RAI1: variants seen among roughly 807,000 people sequenced by gnomAD.
RAI1 encodes retinoic acid induced 1.
In RAI1, 9 loss-of-function variants were observed where a neutral mutation model predicts 123.8. The observed-to-expected ratio is 0.07, with a 90% CI of 0.04 to 0.13. The LOEUF (loss-of-function observed/expected upper bound fraction) is 0.13, where lower values mean the gene tolerates loss of function less well. Ranked by LOEUF, RAI1 falls within the 10% of genes least tolerant of loss-of-function variation. The pLI is 1.00. For synonymous variants in RAI1, 1,231 were observed against 1,127.3 expected (o/e 1.09, Z -1.84); for missense variants, 2,256 against 2,545.8 (o/e 0.89, Z 2.45).
intron 2 of RAI1, among the ~76,000 whole-genome samples, chr17:17,725,610 GAGGAA>G: frequency 6.6e-6 from 1 of 152,198 alleles, no homozygotes; most frequent in Non-Finnish European, 1.5e-5. Context: ...GGGGGATGCA[GAGGAA>G]GGGGAGAGGT....
intron 2 of RAI1, among the ~76,000 whole-genome samples, chr17:17,789,778 C>CT (rs1189098998): frequency 6.6e-6 from 1 of 152,192 alleles, no homozygotes; most frequent in Admixed American, 6.5e-5. Flanking sequence ...GAGATAAGGC[C>CT]TGGACCAAGT....
chr17:17,716,962 G>GGT (rs1403435138), intron 1 of RAI1, among the ~76,000 whole-genome samples: 2 of 152,216 alleles, frequency 1.3e-5, no homozygotes, highest in Admixed American at 1.3e-4. Flanking sequence ...CCAGCGTTGG[G>GGT]GCTGAGGCTT....
chr17:17,758,904 C>G (rs1470109039), intron 2 of RAI1, among the ~76,000 whole-genome samples: 1 of 152,022 alleles, frequency 6.6e-6, no homozygotes, highest in African/African-American at 2.4e-5. Context: ...TACAGGCTGA[C>G]CTGTTTTGGT....
In RAI1 at chr17:17,685,962, TCTC is replaced by T. The variant is rs533429547; in HGVS notation, c.-149+4179_-149+4181del. Among the ~76,000 whole-genome samples, 6 of 152,254 alleles carry T rather than the reference TCTC, an allele frequency of 3.9e-5. No homozygotes were observed. Among genetic ancestry groups the T allele is most frequent in the African/African-American group, 9.6e-5 (4 of 41,526 alleles). ...GCCCCAGACCAAAACAGACGTCCTG[TCTC>T]CTCCTCCTCTGACCTCCGAGGCAGA... On this transcript the variant is annotated intron_variant, in intron 1 of 5. Coordinates refer to ENST00000353383, the MANE Select transcript of RAI1 (RefSeq NM_030665.4). This position sits in a 1 kb window ranked among gnomAD's most constrained non-coding sequence, Gnocchi z 4.0.
chr17:17,795,740 C>T lies in RAI1; in HGVS notation c.2792C>T (p.Thr931Ile), dbSNP rs1302360226. Residue 931 changes from threonine to isoleucine, a missense_variant, in exon 3 of 6, where the codon ACA becomes ATA. Thr to Ile is a moderately conservative substitution (Grantham distance 89, BLOSUM62 -1). This residue lies in a region of RAI1 where 566 missense variants were observed against 616.0 expected (regional missense o/e 0.92). Transcript: ENST00000353383. The surrounding 1 kb of genome is among the most constrained non-coding windows in gnomAD (Gnocchi z 5.9). ...GAGTCCGTCATCCTGCTGGGCCCTACAGTGGGCACCGAGTCAAAGGTCCAG... is the reference window on the plus strand; with the variant it reads ...GAGTCCGTCATCCTGCTGGGCCCTATAGTGGGCACCGAGTCAAAGGTCCAG... ...SGESVILLGP[T>I]VGTESKVQSW... 1.2e-6 allele frequency: 2 copies of T among 1,613,396 alleles called. No homozygotes were observed. Among genetic ancestry groups the T allele is most frequent in the East Asian group, 2.2e-5 (1 of 44,886 alleles).
chr17:17,800,085 C>T lies in RAI1; in HGVS notation c.5565+1572C>T, dbSNP rs1297248331. On this transcript the variant is annotated intron_variant, in intron 3 of 5. Coordinates refer to ENST00000353383, the MANE Select transcript of RAI1 (RefSeq NM_030665.4). This position sits in a 1 kb window ranked among gnomAD's most constrained non-coding sequence, Gnocchi z 4.7. The stretch of plus-strand genomic sequence containing the variant: ...TCCTGCAGGTTCCTGGTGCCGCGGG[C>T]CTTGCTTACCCAGCAGATGGTGGCC... Among the ~76,000 whole-genome samples the T allele has an allele frequency of 2.6e-5, 4 of 152,122 alleles. No homozygotes were observed. Among genetic ancestry groups the T allele is most frequent in the African/African-American group, 9.7e-5 (4 of 41,426 alleles).
intron 2 of RAI1, among the ~76,000 whole-genome samples, chr17:17,758,031 C>G (rs1373494260): frequency 6.6e-6 from 1 of 152,244 alleles, no homozygotes; most frequent in Non-Finnish European, 1.5e-5. Context: ...CTCATCTCTC[C>G]CTTTCCAGAG....
At chr17:17,788,534 A>C (rs1404290294) in intron 2 of RAI1, among the ~76,000 whole-genome samples, 1 of 152,136 alleles carries the variant, frequency 6.6e-6, no homozygotes, top group Admixed American at 6.5e-5. Context: ...CCCTGTCCTC[A>C]GCTTCTGGAG....
intron 2 of RAI1, among the ~76,000 whole-genome samples, chr17:17,729,092 C>T (rs1341707108): frequency 2.0e-5 from 3 of 152,182 alleles, no homozygotes; most frequent in Non-Finnish European, 4.4e-5. Flanking sequence ...CTGGGCAAGG[C>T]CTGCCTCGCC....
chr17:17,784,059 C>T (rs1332378573), intron 2 of RAI1, among the ~76,000 whole-genome samples: 2 of 152,126 alleles, frequency 1.3e-5, no homozygotes, highest in African/African-American at 4.8e-5. Context: ...TTATACCAAG[C>T]AGTTTGCGGT....
intron 2 of RAI1, among the ~76,000 whole-genome samples, chr17:17,739,989 T>A (rs1230330941): frequency 6.6e-6 from 1 of 151,746 alleles, no homozygotes; most frequent in Admixed American, 6.6e-5. Flanking sequence ...CCACTGGGAG[T>A]GGGGATGGAA....
Position 17,797,067 on chromosome 17 carries a change from C to T in RAI1, c.4119C>T (p.Gly1373=). Residue 1373 remains glycine, a synonymous_variant, in exon 3 of 6, where the codon GGC becomes GGT. Coordinates refer to ENST00000353383, the MANE Select transcript of RAI1 (RefSeq NM_030665.4). ...DKDRGLKGAG[G]SPVGVEEGLV... ...ACCGTGGGCTCAAGGGTGCTGGGGG[C>T]AGCCCAGTGGGGGTGGAAGAAGGCC... 1 of 1,613,948 alleles carries T rather than the reference C, an allele frequency of 6.2e-7. No individual in the cohort carries two copies. The highest frequency in any genetic ancestry group is 8.5e-7 in the Non-Finnish European group (1 of 1,180,034).
intron 2 of RAI1, among the ~76,000 whole-genome samples, chr17:17,789,586 G>C (rs962705218): frequency 3.9e-5 from 6 of 152,188 alleles, no homozygotes; most frequent in African/African-American, 1.4e-4. Flanking sequence ...GAATCCTGAT[G>C]CCCTGGGTGC....
chr17:17,745,442 T>G (rs901129600), intron 2 of RAI1, among the ~76,000 whole-genome samples: 1 of 151,902 alleles, frequency 6.6e-6, no homozygotes, highest in East Asian at 1.9e-4. Flanking sequence ...TGTTTTTGTT[T>G]TTGTTTTTTT....
intron 2 of RAI1, chr17:17,759,161 A>G (rs913312297): frequency 6.6e-6 from 1 of 152,160 alleles, no homozygotes; most frequent in African/African-American, 2.4e-5. Context: ...GTTAAGATGC[A>G]CCTGCTGTAT....
chr17:17,810,137 C>A lies in RAI1; in HGVS notation c.*156C>A, dbSNP rs1254157771. ...CCGGGTCCCGGATCGTGGATCCGGC[C>A]GCCTAGGGCTCAGACTTGCGGCCCC... On this transcript the variant is annotated 3_prime_UTR_variant, in exon 6 of 6. Transcript: ENST00000353383. The surrounding 1 kb of genome is among the most constrained non-coding windows in gnomAD (Gnocchi z 4.6). The A allele has an allele frequency of 3.7e-6, 4 of 1,095,780 alleles. No individual in the cohort carries two copies. The African/African-American group carries it at 4.9e-5, about 13-fold the overall frequency. The allele number at this position is 1,095,780 out of a possible 1,614,324, so 67.9% of individuals were successfully genotyped here.
At chr17:17,751,435 A>G (rs1471213867) in intron 2 of RAI1, among the ~76,000 whole-genome samples, 2 of 152,204 alleles carry the variant, frequency 1.3e-5, no homozygotes, top group Non-Finnish European at 2.9e-5. Flanking sequence ...TGCAGAGGGA[A>G]TGTCTCCTAA....
intron 2 of RAI1, among the ~76,000 whole-genome samples, chr17:17,791,565 C>G (rs929859854): frequency 2.0e-5 from 3 of 152,200 alleles, no homozygotes; most frequent in African/African-American, 7.2e-5. Flanking sequence ...CATTTGGGAA[C>G]CAGCACTGGA....
At chr17:17,780,022 G>T (rs2031510980) in intron 2 of RAI1, among the ~76,000 whole-genome samples, 1 of 147,334 alleles carries the variant, frequency 6.8e-6, no homozygotes, top group Non-Finnish European at 1.5e-5. Context: ...TGATCCGCCT[G>T]CCTCGGCCTC....
Sources: allele counts gnomAD v4.1 joint callset (sites outside exome capture counted in the v4.1 genomes callset), GRCh38; gene constraint gnomAD v4.1.1; regional missense constraint gnomAD v4.1.1; non-coding constraint Gnocchi (gnomAD v3.1); transcripts MANE v1.5; gene names NCBI Gene and HGNC (gene_info 2026-07-23, HGNC 2026-07-21).